The following PTPRK variants were observed in gnomAD, a reference collection of about 807,000 sequenced individuals.
PTPRK encodes receptor-type tyrosine-protein phosphatase kappa.
PTPRK carries 75 observed loss-of-function variants against 178.0 expected under a neutral mutation model. The observed-to-expected ratio is 0.42, with a 90% CI of 0.35 to 0.51. PTPRK has a LOEUF of 0.51. Among genes scored for constraint, PTPRK ranks in the 20% least tolerant of loss-of-function variants. PTPRK has a pLI of 0.02. For synonymous variants in PTPRK, 637 were observed against 620.6 expected (o/e 1.03, Z -0.39); for missense variants, 1,441 against 1,797.8 (o/e 0.80, Z 3.59).
chr6:127,975,682 T>A (rs1311726117), intron 27 of PTPRK, among the ~76,000 whole-genome samples: 3 of 152,232 alleles, frequency 2.0e-5, no homozygotes, highest in South Asian at 2.1e-4. Context: ...TTTATTAATA[T>A]CTTTTTTTGG....
At chr6:128,067,822 T>C in intron 11 of PTPRK, 30 bp from the exon 12 acceptor site, 2 of 1,532,906 alleles carry the variant, frequency 1.3e-6, no homozygotes, top group Non-Finnish European at 8.8e-7. Context: ...AGAACACACA[T>C]ATATATACAC....
At chr6:128,038,008 T>C (rs1161950663) in intron 13 of PTPRK, among the ~76,000 whole-genome samples, 1 of 152,162 alleles carries the variant, frequency 6.6e-6, no homozygotes, top group Non-Finnish European at 1.5e-5. Flanking sequence ...ATGTTATTTA[T>C]CAAAAAACAG....
At chr6:128,287,109 C>A (rs558262205) in intron 3 of PTPRK, among the ~76,000 whole-genome samples, 1 of 152,226 alleles carries the variant, frequency 6.6e-6, no homozygotes, top group Non-Finnish European at 1.5e-5. Context: ...CCTTGCCCTA[C>A]AATGTCTCAC....
chr6:128,127,609 G>A (rs1793589547), intron 7 of PTPRK, among the ~76,000 whole-genome samples: 1 of 152,170 alleles, frequency 6.6e-6, no homozygotes, highest in African/African-American at 2.4e-5. Flanking sequence ...CTTTCTTGAT[G>A]CAAGGTCACA....
intron 2 of PTPRK, among the ~76,000 whole-genome samples, chr6:128,379,602 C>A (rs1837591615): frequency 6.6e-6 from 1 of 152,176 alleles, no homozygotes; most frequent in Admixed American, 6.5e-5. Context: ...CTCAGTCTTC[C>A]AAGATAAGAA....
At chr6:128,439,195 C>T (rs954946850) in intron 1 of PTPRK, among the ~76,000 whole-genome samples, 3 of 152,048 alleles carry the variant, frequency 2.0e-5, no homozygotes, top group South Asian at 2.1e-4. Flanking sequence ...TATGCATTTC[C>T]CCTTCCCCTT....
chr6:128,184,724 T>C lies in PTPRK; in HGVS notation c.870A>G (p.Glu290=), dbSNP rs750733128. ...VSNFAQLIVR[E]PPRPIAPPQL... ...GAGGAGGAGCAATGGGTCTTGGCGG[T>C]TCTAGGAGAGATGAGTGTGCACTTC... is the stretch of plus-strand genomic sequence containing the variant. Residue 290 remains glutamate, a splice_region_variant and synonymous_variant, in exon 7 of 30, where the codon GAA becomes GAG. Coordinates refer to ENST00000368226, the MANE Select transcript of PTPRK (RefSeq NM_002844.4). 3.1e-6 allele frequency: 5 copies of C among 1,612,630 alleles called. No homozygotes were observed. The East Asian group carries it at 1.1e-4, about 36-fold the overall frequency.
Position 128,000,182 on chromosome 6 carries a change from T to TA in PTPRK, c.2495-1279dup, listed in dbSNP as rs397758376. 3.1e-5 allele frequency: 31 copies of TA among 1,002,242 alleles called. No individual in the cohort carries two copies. The African/African-American group carries it at 4.9e-4, about 16-fold the overall frequency. 62.1% of individuals were successfully genotyped at this position (1,002,242 alleles called of 1,614,324 possible). The stretch of plus-strand genomic sequence containing the variant: ...TACACTCTTAGGGGAACTTTTTTTT[T>TA]AATGATAATGCATACTGTAGAGAAT... On this transcript the variant is annotated intron_variant, in intron 15 of 29. Transcript: ENST00000368226.
At position 128,386,119 on chromosome 6, in the gene PTPRK, T is replaced by C. The variant is rs566382588; in HGVS notation, c.223+11447A>G. On this transcript the variant is annotated intron_variant, in intron 2 of 29. Transcript: ENST00000368226. ...AATCCTTGACTTAATAAAGGTTCTT[T>C]AATTGATATGTGCTTCTGACATCTA... 3.9e-5 allele frequency among the ~76,000 whole-genome samples: 6 copies of C among 152,182 alleles called. No homozygotes were observed. In the East Asian group the frequency reaches 1.2e-3, roughly 29 times the overall value.
At chr6:128,518,831 C>T (rs1858490629) in intron 1 of PTPRK, 2 of 361,394 alleles carry the variant, frequency 5.5e-6, no homozygotes, top group African/African-American at 2.1e-5. Context: ...GAATGTACGA[C>T]ACATGCTGCC....
chr6:128,065,743 T>G (rs1408088674), intron 12 of PTPRK, among the ~76,000 whole-genome samples: 1 of 152,188 alleles, frequency 6.6e-6, no homozygotes, highest in African/African-American at 2.4e-5. Flanking sequence ...AATAAAATGT[T>G]GCACTTCTAT....
At chr6:128,381,238 A>T (rs1837868543) in intron 2 of PTPRK, among the ~76,000 whole-genome samples, 1 of 152,224 alleles carries the variant, frequency 6.6e-6, no homozygotes, top group Non-Finnish European at 1.5e-5. Flanking sequence ...AATAACCCAC[A>T]TGGAATAACT....
chr6:128,457,480 T>TA (rs1320788906), intron 1 of PTPRK, among the ~76,000 whole-genome samples: 1 of 152,136 alleles, frequency 6.6e-6, no homozygotes, highest in Non-Finnish European at 1.5e-5. Flanking sequence ...TCTGTCTTAC[T>TA]AAAAATATTC....
At chr6:128,391,381 T>G (rs1403075473) in intron 2 of PTPRK, among the ~76,000 whole-genome samples, 3 of 152,144 alleles carry the variant, frequency 2.0e-5, no homozygotes, top group Non-Finnish European at 4.4e-5. Context: ...TAACAGACAA[T>G]GCTAAGTAGA....
intron 2 of PTPRK, among the ~76,000 whole-genome samples, chr6:128,338,672 C>CCT (rs10690231): frequency 0.97 from 147,984 of 152,216 alleles, 72,061 homozygotes; most frequent in East Asian, 1. Flanking sequence ...CTATGCTTCC[C>CCT]CTCTGCAGAA....
At chr6:128,055,075 T>C (rs1413653816) in intron 13 of PTPRK, among the ~76,000 whole-genome samples, 11 of 152,168 alleles carry the variant, frequency 7.2e-5, no homozygotes, top group Non-Finnish European at 1.3e-4. Context: ...ATCACATCCA[T>C]CTTTCTCTTT....
At chr6:128,046,533 TA>T (rs1401930165) in intron 13 of PTPRK, among the ~76,000 whole-genome samples, 2 of 151,930 alleles carry the variant, frequency 1.3e-5, no homozygotes, top group African/African-American at 4.8e-5. Flanking sequence ...TCCATCCCTT[TA>T]AAAAAAAGTG....
At chr6:128,460,728 G>T (rs967477433) in intron 1 of PTPRK, among the ~76,000 whole-genome samples, 1 of 152,198 alleles carries the variant, frequency 6.6e-6, no homozygotes, top group Non-Finnish European at 1.5e-5. Context: ...TGCTGTCCCA[G>T]TGTAGCTGAT....
intron 7 of PTPRK, among the ~76,000 whole-genome samples, chr6:128,155,127 T>TAGAA (rs1797787173): frequency 6.6e-6 from 1 of 151,780 alleles, no homozygotes; most frequent in Non-Finnish European, 1.5e-5. Context: ...TCTAGATTTC[T>TAGAA]TTGCTTAGTA....
Sources: gnomAD v4.1 joint callset for allele counts (sites outside exome capture counted in the v4.1 genomes callset) on GRCh38, gnomAD v4.1.1 for gene constraint, MANE v1.5 for transcripts, NCBI Gene and HGNC (gene_info 2026-07-23, HGNC 2026-07-21) for gene names.